Variants in DCDC1 observed in about 807,000 individuals in gnomAD.
DCDC1 encodes the protein doublecortin domain containing 1.
DCDC1 carries 200 observed loss-of-function variants against 178.3 expected under a neutral mutation model. The observed-to-expected ratio is 1.12, with a 90% CI of 1.00 to 1.26. The LOEUF is 1.26. DCDC1 is among the 50% of genes most tolerant of loss of function. The pLI is 0.00. For missense variants in DCDC1, 1,983 were observed against 1,749.2 expected, an observed-to-expected ratio of 1.13 and a Z score of -2.38; for synonymous variants, 690 against 604.8, an observed-to-expected ratio of 1.14 and a Z score of -2.07.
chr11:31,210,031 G>C (rs1171341435), intron 9 of DCDC1, among the ~76,000 whole-genome samples: 1 of 152,178 alleles, frequency 6.6e-6, no homozygotes, highest in Non-Finnish European at 1.5e-5. Flanking sequence ...AAACATGCAT[G>C]TCTACCAGTG....
chr11:31,052,981 A>C (rs1382851834), intron 20 of DCDC1, among the ~76,000 whole-genome samples: 1 of 152,202 alleles, frequency 6.6e-6, no homozygotes, highest in Non-Finnish European at 1.5e-5. Flanking sequence ...GAAATAACCA[A>C]GATCAGAGCA....
chr11:31,098,346 T>G (rs1412344598), intron 15 of DCDC1, among the ~76,000 whole-genome samples: 1 of 152,194 alleles, frequency 6.6e-6, no homozygotes, highest in Non-Finnish European at 1.5e-5. Flanking sequence ...GAAAAATGTA[T>G]TCACCAAATT....
intron 7 of DCDC1, among the ~76,000 whole-genome samples, chr11:31,284,045 C>T (rs567280430): frequency 4.5e-4 from 68 of 152,034 alleles, no homozygotes; most frequent in Middle Eastern, 3.4e-3. Context: ...AACTTTAGGA[C>T]TCACTTCAAC....
At chr11:30,868,908 T>A (rs962321975) in intron 38 of DCDC1, among the ~76,000 whole-genome samples, 1 of 152,222 alleles carries the variant, frequency 6.6e-6, no homozygotes, top group African/African-American at 2.4e-5. Flanking sequence ...GGGTGCTCTG[T>A]GGGACTAATT....
intron 9 of DCDC1, among the ~76,000 whole-genome samples, chr11:31,140,726 A>G (rs1414332483): frequency 6.6e-6 from 1 of 152,192 alleles, no homozygotes; most frequent in East Asian, 1.9e-4. Flanking sequence ...ATAAAAAGGA[A>G]TAAATTCACA....
At chr11:31,290,417 T>A (rs919196289) in intron 7 of DCDC1, among the ~76,000 whole-genome samples, 1 of 152,060 alleles carries the variant, frequency 6.6e-6, no homozygotes, top group Non-Finnish European at 1.5e-5. Flanking sequence ...TGGCTAACTA[T>A]GTTAGCCAAA....
In DCDC1 at chr11:31,157,394, TATACACACACACAC is replaced by T. The variant is rs1288902731; in HGVS notation, c.1222-19624_1222-19611del. ...AAAAATATATATATATATACATATA[TATACACACACACAC>T]ACATATATATACACACATATATATA... On this transcript the variant is annotated intron_variant, in intron 9 of 38. Coordinates refer to ENST00000684477, the MANE Select transcript of DCDC1 (RefSeq NM_001387274.1). 9.8e-5 allele frequency among the ~76,000 whole-genome samples: 14 copies of T among 143,100 alleles called. No homozygotes were observed. In the East Asian group the frequency reaches 2.0e-3, roughly 21 times the overall value. The allele number at this position is 143,100 out of a possible 152,430, so 93.9% of individuals were successfully genotyped here. A position where few individuals can be genotyped will look rare whatever the true frequency, so the allele number is the denominator to read the frequency against.
chr11:30,980,595 G>A (rs1393051675), intron 20 of DCDC1, among the ~76,000 whole-genome samples: 1 of 152,144 alleles, frequency 6.6e-6, no homozygotes, highest in East Asian at 1.9e-4. Flanking sequence ...GCAGAAATGG[G>A]GGTGGCCCAT....
intron 20 of DCDC1, among the ~76,000 whole-genome samples, chr11:30,997,129 A>G (rs113541182): frequency 0.018 from 2,744 of 152,342 alleles, 87 homozygotes; most frequent in African/African-American, 0.061. Flanking sequence ...CATTATGTAA[A>G]AGGAAAAGCT....
intron 22 of DCDC1, among the ~76,000 whole-genome samples, chr11:30,928,150 T>C (rs1303136413): frequency 6.6e-6 from 1 of 152,102 alleles, no homozygotes; most frequent in African/African-American, 2.4e-5. Context: ...TATTAGTTAT[T>C]TCAGAGCTGA....
chr11:31,138,185 C>T (rs1030115997), intron 9 of DCDC1, among the ~76,000 whole-genome samples: 1 of 152,068 alleles, frequency 6.6e-6, no homozygotes, highest in South Asian at 2.1e-4. Context: ...GATAAGAAGT[C>T]AATGACATAA....
At chr11:30,907,678 G>T (rs1299902375) in intron 29 of DCDC1, among the ~76,000 whole-genome samples, 1 of 151,982 alleles carries the variant, frequency 6.6e-6, no homozygotes, top group South Asian at 2.1e-4. Flanking sequence ...GGTGAGGGAC[G>T]CCATCTTTGA....
chr11:31,316,368 C>G (rs1158961626), intron 3 of DCDC1, among the ~76,000 whole-genome samples: 1 of 123,882 alleles, frequency 8.1e-6, no homozygotes, highest in Non-Finnish European at 1.6e-5. Context: ...GAAATGATAT[C>G]TCATAGTGGT....
At chr11:30,925,639 TC>T (rs1320219322) in intron 22 of DCDC1, among the ~76,000 whole-genome samples, 2 of 152,092 alleles carry the variant, frequency 1.3e-5, no homozygotes, top group Non-Finnish European at 2.9e-5. Flanking sequence ...TTTCTTACCT[TC>T]CAGGGTTTCT....
chr11:30,952,928 A>C (rs1948519696), intron 20 of DCDC1, among the ~76,000 whole-genome samples: 1 of 152,106 alleles, frequency 6.6e-6, no homozygotes, highest in Non-Finnish European at 1.5e-5. Flanking sequence ...GTTAGCTGAC[A>C]TACAATTATT....
At chr11:30,888,786 T>A (rs1045194486) in intron 36 of DCDC1, among the ~76,000 whole-genome samples, 1 of 152,238 alleles carries the variant, frequency 6.6e-6, no homozygotes, top group Non-Finnish European at 1.5e-5. Context: ...CAAATGTATC[T>A]AAATTTACTC....
At chr11:30,977,794 T>C (rs925367372) in intron 20 of DCDC1, among the ~76,000 whole-genome samples, 2 of 152,062 alleles carry the variant, frequency 1.3e-5, no homozygotes, top group Admixed American at 6.6e-5. Context: ...AGCCGGGCAT[T>C]GTGGCTTGCC....
chr11:31,013,741 T>G (rs538080551), intron 20 of DCDC1, among the ~76,000 whole-genome samples: 1 of 152,356 alleles, frequency 6.6e-6, no homozygotes, highest in South Asian at 2.1e-4. Context: ...AATATACATG[T>G]AAATTTATAA....
At chr11:31,048,300 T>C (rs1954994208) in intron 20 of DCDC1, among the ~76,000 whole-genome samples, 1 of 152,196 alleles carries the variant, frequency 6.6e-6, no homozygotes, top group African/African-American at 2.4e-5. Context: ...GACTTTCAAA[T>C]ATTAGTAAAT....
Sources: allele counts gnomAD v4.1 joint callset (sites outside exome capture counted in the v4.1 genomes callset), GRCh38; gene constraint gnomAD v4.1.1; transcripts MANE v1.5; gene names NCBI Gene and HGNC (gene_info 2026-07-23, HGNC 2026-07-21).